Variants in MARCHF8 observed in about 807,000 individuals in gnomAD.
MARCHF8 encodes E3 ubiquitin-protein ligase MARCHF8.
In MARCHF8, 40 loss-of-function variants were observed where a neutral mutation model predicts 51.6. The ratio of observed to expected loss-of-function variants is 0.77; its 90% CI spans 0.60 to 1.01. The LOEUF (loss-of-function observed/expected upper bound fraction) is 1.01. MARCHF8 is among the 50% of genes least tolerant of loss of function. The pLI is 0.00. For missense variants in MARCHF8, 685 were observed against 708.6 expected (o/e 0.97, Z 0.38); for synonymous variants, 263 against 280.3 (o/e 0.94, Z 0.62).
chr10:45,516,277 A>G (rs1564497323), intron 2 of MARCHF8, among the ~76,000 whole-genome samples: 1 of 152,174 alleles, frequency 6.6e-6, no homozygotes, highest in Non-Finnish European at 1.5e-5. Context: ...GCCTAGACAC[A>G]AGAGATCACT....
intron 3 of MARCHF8, among the ~76,000 whole-genome samples, chr10:45,488,879 GT>G (rs1272473818): frequency 6.6e-6 from 1 of 152,042 alleles, no homozygotes; most frequent in African/African-American, 2.4e-5. Context: ...TTCACCCCTT[GT>G]TCAGTTCCCC....
At chr10:45,538,232 A>C (rs546648327), upstream of MARCHF8, among the ~76,000 whole-genome samples, 1 of 152,356 alleles carries the variant, frequency 6.6e-6, no homozygotes, top group Non-Finnish European at 1.5e-5. Context: ...TTGTAAGTGA[A>C]GGAGAAATAA....
In MARCHF8 at chr10:45,511,619, G is replaced by A. The variant is rs536755870; in HGVS notation, c.102+21491C>T. Among the ~76,000 whole-genome samples the A allele has an allele frequency of 3.9e-3, 590 of 152,336 alleles. 4 individuals are homozygous for A. The highest frequency in any genetic ancestry group is 0.014 in the Middle Eastern group (4 of 294). ...GAGACGGGGTTTCGCTGTGTTGGCCGGGCTGGTCTCCAGCTCCTAACCGCG... is the reference window on the plus strand; with the variant it reads ...GAGACGGGGTTTCGCTGTGTTGGCCAGGCTGGTCTCCAGCTCCTAACCGCG... On this transcript the variant is annotated intron_variant, in intron 2 of 7. Coordinates refer to ENST00000453424, the MANE Select transcript of MARCHF8 (RefSeq NM_001282866.2).
At chr10:45,488,016 G>A (rs1169250180) in intron 3 of MARCHF8, among the ~76,000 whole-genome samples, 1 of 152,144 alleles carries the variant, frequency 6.6e-6, no homozygotes, top group Non-Finnish European at 1.5e-5. Flanking sequence ...GTTGGCCAGA[G>A]TCAATGTGTG....
intron 2 of MARCHF8, among the ~76,000 whole-genome samples, chr10:45,523,336 G>C (rs2043739905): frequency 6.6e-6 from 1 of 152,176 alleles, no homozygotes; most frequent in South Asian, 2.1e-4. Context: ...GGCCAGCCTT[G>C]GCAACATAGC....
intron 2 of MARCHF8, among the ~76,000 whole-genome samples, chr10:45,500,943 A>T (rs1410542078): frequency 6.6e-6 from 1 of 152,058 alleles, no homozygotes; most frequent in Non-Finnish European, 1.5e-5. Context: ...GCCACTCTAA[A>T]AAAACTGAAG....
intron 5 of MARCHF8, 171 bp from the exon 6 acceptor site, chr10:45,461,582 A>C: frequency 8.9e-6 from 4 of 448,874 alleles, no homozygotes; most frequent in East Asian, 3.6e-5. Flanking sequence ...CAAACTAAAA[A>C]TGTCTAGCTT....
chr10:45,562,540 T>C (rs978612428), intron 1 of MARCHF8, among the ~76,000 whole-genome samples: 2 of 152,098 alleles, frequency 1.3e-5, no homozygotes, highest in Admixed American at 6.6e-5. Flanking sequence ...AACAAAACTA[T>C]CCTTCAAGAA....
intron 1 of MARCHF8, among the ~76,000 whole-genome samples, chr10:45,576,773 A>T (rs531619111): frequency 2.2e-3 from 284 of 127,970 alleles, no homozygotes; most frequent in African/African-American, 7.5e-3. Context: ...AATAAAAATT[A>T]AAAAAAAAAA....
At chr10:45,472,639 G>A (rs1462150326) in intron 3 of MARCHF8, among the ~76,000 whole-genome samples, 1 of 152,216 alleles carries the variant, frequency 6.6e-6, no homozygotes, top group Non-Finnish European at 1.5e-5. Context: ...GGAAGAATGA[G>A]AGTGAAAAAT....
At chr10:45,594,166 G>C (rs945032051) in intron 1 of MARCHF8, 1 of 152,210 alleles carries the variant, frequency 6.6e-6, no homozygotes, top group Non-Finnish European at 1.5e-5. Context: ...ACAGGAATAC[G>C]AATCGTTTAA....
In MARCHF8 at chr10:45,455,697, G is replaced by A. The variant is rs1387791171; in HGVS notation, c.*2542C>T. On this transcript the variant is annotated 3_prime_UTR_variant, in exon 8 of 8. Transcript: ENST00000453424. ...GCTTCATGCTTCACTGCTAGATGCA[G>A]GGGGCTAGAAGGGTCTGATGAATCA... 1.3e-5 allele frequency: 2 copies of A among 152,276 alleles called. No homozygotes were observed. The highest frequency in any genetic ancestry group is 2.1e-4 in the South Asian group (1 of 4,828). The allele number at this position is 152,276 out of a possible 1,614,324, so 9.4% of individuals were successfully genotyped here. A position where few individuals can be genotyped will look rare whatever the true frequency, so the allele number is the denominator to read the frequency against.
At chr10:45,572,241 C>A (rs2044438528) in intron 1 of MARCHF8, among the ~76,000 whole-genome samples, 1 of 148,872 alleles carries the variant, frequency 6.7e-6, no homozygotes, top group Non-Finnish European at 1.5e-5. Context: ...TTCTCTGTGT[C>A]TCTACCCTCT....
At chr10:45,582,835 A>C (rs185582383) in intron 1 of MARCHF8, among the ~76,000 whole-genome samples, 2 of 152,248 alleles carry the variant, frequency 1.3e-5, no homozygotes, top group Non-Finnish European at 2.9e-5. Flanking sequence ...TAAAAAATAC[A>C]TAAGAAAGGA....
At chr10:45,574,632 C>G (rs1409243907) in intron 1 of MARCHF8, among the ~76,000 whole-genome samples, 1 of 152,146 alleles carries the variant, frequency 6.6e-6, no homozygotes, top group Non-Finnish European at 1.5e-5. Context: ...GAGCTGGGAC[C>G]GCGCCCTGTA....
chr10:45,507,506 C>A (rs71494800), intron 2 of MARCHF8, among the ~76,000 whole-genome samples: 9,366 of 152,104 alleles, frequency 0.062, 326 homozygotes, highest in Non-Finnish European at 0.066. Context: ...GGAAGGACGA[C>A]AGGTCAAGAG....
chr10:45,504,448 A>T (rs1159716660), intron 2 of MARCHF8, among the ~76,000 whole-genome samples: 2 of 152,264 alleles, frequency 1.3e-5, no homozygotes, highest in African/African-American at 4.8e-5. Context: ...CCGTCTCGAA[A>T]AAAACTAAGA....
At chr10:45,551,990 G>C (rs1289305751) in intron 1 of MARCHF8, among the ~76,000 whole-genome samples, 1 of 152,114 alleles carries the variant, frequency 6.6e-6, no homozygotes, top group Non-Finnish European at 1.5e-5. Context: ...ATGATCCCTG[G>C]AGTGTTGCAT....
intron 1 of MARCHF8, among the ~76,000 whole-genome samples, chr10:45,558,221 A>T (rs2044273221): frequency 6.6e-6 from 1 of 152,204 alleles, no homozygotes; most frequent in South Asian, 2.1e-4. Context: ...AGCAGAGTCA[A>T]GGCAGACAAG....
Sources: allele counts gnomAD v4.1 joint callset (sites outside exome capture counted in the v4.1 genomes callset), GRCh38; gene constraint gnomAD v4.1.1; transcripts MANE v1.5; gene names NCBI Gene and HGNC (gene_info 2026-07-23, HGNC 2026-07-21).